Variants in MAGI1 observed in about 807,000 individuals in gnomAD.
MAGI1 encodes membrane-associated guanylate kinase, WW and PDZ domain-containing protein 1.
MAGI1 carries 58 observed loss-of-function variants against 139.9 expected under a neutral mutation model. The ratio of observed to expected loss-of-function variants is 0.41; its 90% confidence interval spans 0.34 to 0.52. MAGI1 has a LOEUF of 0.52. MAGI1 is among the 20% of genes least tolerant of loss of function. The pLI is 0.12. For missense variants in MAGI1, 1,874 were observed against 1,901.6 expected, an observed-to-expected ratio of 0.99 and a Z score of 0.27; for synonymous variants, 812 against 737.9, an observed-to-expected ratio of 1.10 and a Z score of -1.63.
At chr3:65,678,754 C>G (rs566143236) in intron 1 of MAGI1, among the ~76,000 whole-genome samples, 1 of 152,168 alleles carries the variant, frequency 6.6e-6, no homozygotes, top group Non-Finnish European at 1.5e-5. Context: ...GTTGTGTTCA[C>G]GCTCCTTGAA....
At chr3:65,834,729 A>C (rs2042715000) in intron 1 of MAGI1, among the ~76,000 whole-genome samples, 1 of 152,186 alleles carries the variant, frequency 6.6e-6, no homozygotes, top group Non-Finnish European at 1.5e-5. Context: ...CATCTCTAGC[A>C]GTTTTTGCTT....
chr3:65,366,046 G>A (rs150357871), intron 18 of MAGI1, among the ~76,000 whole-genome samples: 1 of 152,242 alleles, frequency 6.6e-6, no homozygotes, highest in East Asian at 1.9e-4. Context: ...GCATGGGCTT[G>A]AGATTCAGAC....
At chr3:65,950,063 AAAAC>A (rs1352880116) in intron 1 of MAGI1, among the ~76,000 whole-genome samples, 4 of 22,094 alleles carry the variant, frequency 1.8e-4, no homozygotes, top group Non-Finnish European at 3.9e-4. Flanking sequence ...AAAAAACAAA[AAAAC>A]AAAAAAAAAA....
chr3:65,848,968 C>G (rs2059103110), intron 1 of MAGI1, among the ~76,000 whole-genome samples: 1 of 128,126 alleles, frequency 7.8e-6, no homozygotes, highest in Non-Finnish European at 1.6e-5. Context: ...ACTCCAAACA[C>G]TTAACTGGCA....
chr3:65,977,513 C>A (rs1158216595), intron 1 of MAGI1, among the ~76,000 whole-genome samples: 1 of 152,142 alleles, frequency 6.6e-6, no homozygotes, highest in African/African-American at 2.4e-5. Context: ...AAGTTCACCA[C>A]CAACCCGGCC....
At chr3:65,738,597 C>A (rs959825097) in intron 1 of MAGI1, among the ~76,000 whole-genome samples, 4 of 152,164 alleles carry the variant, frequency 2.6e-5, no homozygotes, top group Admixed American at 2.6e-4. Context: ...AAATGTATTT[C>A]TTAAATAATA....
intron 1 of MAGI1, among the ~76,000 whole-genome samples, chr3:66,019,882 C>T (rs188309339): frequency 6.0e-4 from 92 of 152,140 alleles, no homozygotes; most frequent in Admixed American, 3.8e-3. Context: ...GGCATCTATT[C>T]CATGGCTTCT....
chr3:66,028,159 G>A (rs113960079), intron 1 of MAGI1, among the ~76,000 whole-genome samples: 5 of 152,122 alleles, frequency 3.3e-5, no homozygotes, highest in Non-Finnish European at 4.4e-5. Flanking sequence ...CAAATAGCCA[G>A]GTGTGGTGGG....
At chr3:65,929,874 G>T (rs1341803437) in intron 1 of MAGI1, among the ~76,000 whole-genome samples, 1 of 152,012 alleles carries the variant, frequency 6.6e-6, no homozygotes, top group Non-Finnish European at 1.5e-5. Flanking sequence ...GAAATTCTGG[G>T]GTCTAATCCA....
chr3:65,637,805 T>C lies in MAGI1; in HGVS notation c.314-15717A>G, dbSNP rs558563360. 3.9e-5 allele frequency among the ~76,000 whole-genome samples: 6 copies of C among 152,242 alleles called. No individual in the cohort carries two copies. The South Asian group carries it at 1.0e-3, about 26-fold the overall frequency. ...TATCTAAAAGACACTGCTCCATCAG[T>C]GTCTGTTCTATTGCTCTGGTTTATT... On this transcript the variant is annotated intron_variant, in intron 1 of 22. Coordinates refer to ENST00000402939, the MANE Select transcript of MAGI1 (RefSeq NM_001033057.2).
chr3:65,800,383 T>C (rs1423076914), intron 1 of MAGI1, among the ~76,000 whole-genome samples: 1 of 152,224 alleles, frequency 6.6e-6, no homozygotes, highest in African/African-American at 2.4e-5. Context: ...GAGTATTTTC[T>C]ATACACTGAA....
chr3:65,422,674 C>T (rs1002177801), intron 12 of MAGI1, among the ~76,000 whole-genome samples: 1 of 151,998 alleles, frequency 6.6e-6, no homozygotes, highest in Non-Finnish European at 1.5e-5. Context: ...AGGTATAGTA[C>T]ATAAGAAAGA....
chr3:66,005,701 C>G (rs1189936984), intron 1 of MAGI1, among the ~76,000 whole-genome samples: 1 of 152,030 alleles, frequency 6.6e-6, no homozygotes, highest in African/African-American at 2.4e-5. Flanking sequence ...AGGACAAAGA[C>G]AAGGAAAGAA....
At chr3:65,377,398 C>T (rs2106864217) in intron 17 of MAGI1, among the ~76,000 whole-genome samples, 1 of 152,316 alleles carries the variant, frequency 6.6e-6, no homozygotes, top group South Asian at 2.1e-4. Flanking sequence ...TCAGAAGCCT[C>T]ATGCAAGGTA....
At chr3:65,696,711 C>T (rs891760066) in intron 1 of MAGI1, among the ~76,000 whole-genome samples, 2 of 151,888 alleles carry the variant, frequency 1.3e-5, no homozygotes, top group Admixed American at 6.6e-5. Flanking sequence ...TTTGGATTCT[C>T]AACAAAAATT....
rs1274408644 is a variant in MAGI1, at chr3:65,437,148, A to G, written c.1363+7T>C. 6.3e-7 allele frequency: 1 copy of G among 1,581,298 alleles called. No homozygotes were observed. Among genetic ancestry groups the G allele is most frequent in the East Asian group, 2.2e-5 (1 of 44,610 alleles). ...CCATGACACAATTAGAAAGACAAGT[A>G]CTTTACCCTGAAGTGGAACTTCTCT... is the stretch of plus-strand genomic sequence containing the variant. On this transcript the variant is annotated splice_region_variant and intron_variant, in intron 10 of 22. Transcript: ENST00000402939.
At chr3:65,759,704 T>C (rs1483308167) in intron 1 of MAGI1, among the ~76,000 whole-genome samples, 1 of 152,226 alleles carries the variant, frequency 6.6e-6, no homozygotes, top group Admixed American at 6.5e-5. Context: ...AAGAAAGGTC[T>C]TCATTTCAAC....
intron 1 of MAGI1, among the ~76,000 whole-genome samples, chr3:65,846,076 C>T (rs1459060161): frequency 1.3e-5 from 2 of 152,138 alleles, no homozygotes; most frequent in East Asian, 3.9e-4. Flanking sequence ...ACTTCATTTG[C>T]CAAGGTCAGA....
chr3:65,696,835 C>T (rs373818208), intron 1 of MAGI1, among the ~76,000 whole-genome samples: 1 of 151,984 alleles, frequency 6.6e-6, no homozygotes, highest in Non-Finnish European at 1.5e-5. Context: ...CTGGACTCAG[C>T]ATCAGAAGCC....
Sources: allele counts gnomAD v4.1 joint callset (sites outside exome capture counted in the v4.1 genomes callset), GRCh38; gene constraint gnomAD v4.1.1; transcripts MANE v1.5; gene names NCBI Gene and HGNC (gene_info 2026-07-23, HGNC 2026-07-21).